The following STK10 variants were observed in gnomAD, a reference collection of about 807,000 sequenced individuals.
STK10 encodes serine/threonine kinase 10, also known as serine/threonine-protein kinase 10.
In STK10, 78 loss-of-function variants were observed where a neutral mutation model predicts 113.8. The ratio of observed to expected loss-of-function variants is 0.69; its 90% CI spans 0.57 to 0.83. STK10 has a LOEUF of 0.83. Among genes scored for constraint, STK10 ranks in the 40% least tolerant of loss-of-function variants. The probability of loss-of-function intolerance (pLI) is 0.00; values close to 1 mark genes in which losing one functional copy is unlikely to be tolerated. For synonymous variants in STK10, 465 were observed against 494.7 expected (o/e 0.94, Z 0.80); for missense variants, 1,109 against 1,280.1 (o/e 0.87, Z 2.04).
intron 4 of STK10, among the ~76,000 whole-genome samples, chr5:172,112,662 G>A (rs1035740034): frequency 3.3e-5 from 5 of 149,682 alleles, no homozygotes; most frequent in Admixed American, 6.7e-5. Context: ...CTCATGATCC[G>A]CCCACCTCGG....
chr5:172,065,254 G>C (rs73315824), intron 12 of STK10, among the ~76,000 whole-genome samples: 2,279 of 148,518 alleles, frequency 0.015, 58 homozygotes, highest in African/African-American at 0.053. Flanking sequence ...CAGTTATTTT[G>C]CTTCCTTTAG....
In STK10 at chr5:172,119,736, C is replaced by T. The variant is rs1050982044; in HGVS notation, c.371-2106G>A. Among the ~76,000 whole-genome samples the T allele has an allele frequency of 2.6e-4, 37 of 144,070 alleles. 1 individual carries two copies. Among genetic ancestry groups the T allele is most frequent in the Admixed American group, 1.6e-3 (23 of 14,618 alleles). The allele number at this position is 144,070 out of a possible 152,430, so 94.5% of individuals were successfully genotyped here. On this transcript the variant is annotated intron_variant, in intron 3 of 18. Coordinates refer to ENST00000176763, the MANE Select transcript of STK10 (RefSeq NM_005990.4). ...AAAATTAGCCGGGCGTAGTGGCGGG[C>T]GCCTGTAGTCCCAGCTACTCGGGAG...
In STK10 at chr5:172,082,177, C is replaced by T; in HGVS notation, c.1989+149G>A. On this transcript the variant is annotated intron_variant, in intron 12 of 18. Coordinates refer to ENST00000176763, the MANE Select transcript of STK10 (RefSeq NM_005990.4). The surrounding 1 kb of genome is among the most constrained non-coding windows in gnomAD (Gnocchi z 4.3). The stretch of plus-strand genomic sequence containing the variant: ...GGAGAAGTGGCTCCTCATGGCGCAG[C>T]TTGGGCACACAGATCCAGGCTCACC... 1.2e-6 allele frequency: 1 copy of T among 804,464 alleles called. No homozygotes were observed. The highest frequency in any genetic ancestry group is 1.8e-6 in the Non-Finnish European group (1 of 565,896). The allele number at this position is 804,464 out of a possible 1,614,324, so 49.8% of individuals were successfully genotyped here.
Position 172,082,855 on chromosome 5 carries a change from T to A in STK10, c.1809+106A>T, listed in dbSNP as rs1437265353. On this transcript the variant is annotated intron_variant, in intron 11 of 18. Coordinates refer to ENST00000176763, the MANE Select transcript of STK10 (RefSeq NM_005990.4). The surrounding 1 kb of genome is among the most constrained non-coding windows in gnomAD (Gnocchi z 4.3). ...GAAGCCCCCAGGAATTGGGCAATTG[T>A]TGTGAATTACTCTCCACTACCCAAT... 2.0e-6 allele frequency: 3 copies of A among 1,511,544 alleles called. No homozygotes were observed. The East Asian group carries it at 6.8e-5, about 34-fold the overall frequency. The allele number at this position is 1,511,544 out of a possible 1,614,324, so 93.6% of individuals were successfully genotyped here.
chr5:172,073,969 AATAAT>A (rs1768255844), intron 12 of STK10, among the ~76,000 whole-genome samples: 8 of 150,138 alleles, frequency 5.3e-5, no homozygotes, highest in African/African-American at 1.7e-4. Flanking sequence ...TGTCTCAAAT[AATAAT>A]AATAATAATA....
At chr5:172,180,550 G>A (rs1368325101) in intron 1 of STK10, among the ~76,000 whole-genome samples, 1 of 151,970 alleles carries the variant, frequency 6.6e-6, no homozygotes, top group Admixed American at 6.6e-5. Flanking sequence ...CAGCACTTTG[G>A]GAGGCCGAGG....
chr5:172,065,516 C>T (rs1418396456), intron 12 of STK10, among the ~76,000 whole-genome samples: 4 of 152,226 alleles, frequency 2.6e-5, no homozygotes, highest in East Asian at 3.9e-4. Flanking sequence ...TGTGCCACCG[C>T]GCCTGGCCGA....
chr5:172,091,958 C>T (rs1768720099), intron 9 of STK10, among the ~76,000 whole-genome samples: 1 of 152,218 alleles, frequency 6.6e-6, no homozygotes, highest in Admixed American at 6.5e-5. Context: ...GAGCTCCACT[C>T]CTGCTGAGTC....
intron 10 of STK10, among the ~76,000 whole-genome samples, chr5:172,088,445 AC>A (rs1302963649): frequency 1.3e-5 from 2 of 152,032 alleles, no homozygotes; most frequent in Non-Finnish European, 2.9e-5. Context: ...AATCGCTTGA[AC>A]CCGGGAGGCA....
chr5:172,106,408 A>AAAAAAAAAG (rs1769108693), intron 6 of STK10, among the ~76,000 whole-genome samples: 1 of 142,588 alleles, frequency 7.0e-6, no homozygotes, highest in African/African-American at 2.6e-5. Flanking sequence ...TCTCAAAAAA[A>AAAAAAAAAG]AAAAAAAAAA....
At chr5:172,070,151 G>A (rs1768144563) in intron 12 of STK10, among the ~76,000 whole-genome samples, 1 of 152,020 alleles carries the variant, frequency 6.6e-6, no homozygotes, top group Non-Finnish European at 1.5e-5. Context: ...GGGGGGCTGA[G>A]GCAGGAGAAT....
intron 2 of STK10, among the ~76,000 whole-genome samples, chr5:172,156,253 T>G: frequency 6.6e-6 from 1 of 152,210 alleles, no homozygotes; most frequent in Non-Finnish European, 1.5e-5. Context: ...TATCATGAAT[T>G]AACTCACTTA....
chr5:172,136,316 G>A (rs1233624869), intron 2 of STK10, among the ~76,000 whole-genome samples: 1 of 152,180 alleles, frequency 6.6e-6, no homozygotes, highest in Non-Finnish European at 1.5e-5. Context: ...CTCCACACAG[G>A]CTGGGCGCAG....
At chr5:172,151,315 C>T (rs1264305368) in intron 2 of STK10, among the ~76,000 whole-genome samples, 2 of 151,760 alleles carry the variant, frequency 1.3e-5, no homozygotes, top group East Asian at 1.9e-4. Flanking sequence ...CTTCAGAGGC[C>T]GACCTTTGCG....
At chr5:172,100,890 C>G (rs2113756754) in intron 7 of STK10, among the ~76,000 whole-genome samples, 1 of 152,336 alleles carries the variant, frequency 6.6e-6, no homozygotes, top group South Asian at 2.1e-4. Flanking sequence ...TTCCCTCCCT[C>G]TCTCTTTCAT....
At chr5:172,168,142 G>A (rs1053809293) in intron 1 of STK10, among the ~76,000 whole-genome samples, 2 of 152,144 alleles carry the variant, frequency 1.3e-5, no homozygotes, top group African/African-American at 4.8e-5. Flanking sequence ...TATTCTGGAC[G>A]GCCGTGCCAG....
At chr5:172,086,773 G>A (rs1056668129) in intron 10 of STK10, among the ~76,000 whole-genome samples, 3 of 152,192 alleles carry the variant, frequency 2.0e-5, no homozygotes, top group Admixed American at 6.5e-5. Context: ...CCAGACCACG[G>A]CAGGCAAGCG....
intron 7 of STK10, among the ~76,000 whole-genome samples, chr5:172,101,464 CGTCTCCAAAAA>C (rs1768987471): frequency 7.0e-6 from 1 of 143,192 alleles, no homozygotes; most frequent in African/African-American, 2.8e-5. Flanking sequence ...AGCGAGACTC[CGTCTCCAAAAA>C]AAAAAAAAAA....
At chr5:172,058,735 T>C (rs1293347474) in intron 14 of STK10, among the ~76,000 whole-genome samples, 1 of 151,642 alleles carries the variant, frequency 6.6e-6, no homozygotes, top group Non-Finnish European at 1.5e-5. Context: ...ACTAAAAATA[T>C]AAAAATCAGC....
Sources: gnomAD v4.1 joint callset for allele counts (sites outside exome capture counted in the v4.1 genomes callset) on GRCh38, gnomAD v4.1.1 for gene constraint, Gnocchi (gnomAD v3.1) non-coding constraint, MANE v1.5 for transcripts, NCBI Gene and HGNC (gene_info 2026-07-23, HGNC 2026-07-21) for gene names.